The following PPP1R12B variants were observed in gnomAD, a reference collection of about 807,000 sequenced individuals.
PPP1R12B encodes the protein protein phosphatase 1 regulatory subunit 12B.
A neutral mutation model predicts 126.1 loss-of-function variants in PPP1R12B; 76 were observed. The observed-to-expected ratio is 0.60, with a 90% CI of 0.50 to 0.73. The LOEUF is 0.73. PPP1R12B is among the 30% of genes least tolerant of loss of function. PPP1R12B has a pLI of 0.00. For synonymous variants in PPP1R12B, 356 were observed against 434.7 expected, an observed-to-expected ratio of 0.82 and a Z score of 2.25; for missense variants, 1,052 against 1,205.1, an observed-to-expected ratio of 0.87 and a Z score of 1.88.
chr1:202,570,044 A>G (rs1688450023), intron 23 of PPP1R12B, among the ~76,000 whole-genome samples: 1 of 152,176 alleles, frequency 6.6e-6, no homozygotes, highest in African/African-American at 2.4e-5. Context: ...GAAACATCTG[A>G]TTCCTGCAAT....
intron 14 of PPP1R12B, among the ~76,000 whole-genome samples, chr1:202,492,340 G>A (rs1482022091): frequency 1.3e-5 from 2 of 152,154 alleles, no homozygotes; most frequent in East Asian, 1.9e-4. Flanking sequence ...TAGTAAAAAA[G>A]CTGGGGGTGG....
chr1:202,552,038 G>C (rs1001848578), intron 18 of PPP1R12B, among the ~76,000 whole-genome samples: 2 of 152,178 alleles, frequency 1.3e-5, no homozygotes, highest in Non-Finnish European at 2.9e-5. Context: ...GAACTGTGCA[G>C]ACTTCTGACC....
intron 10 of PPP1R12B, chr1:202,438,999 G>A (rs1671232620): frequency 1.8e-5 from 26 of 1,458,520 alleles, no homozygotes; most frequent in South Asian, 4.6e-5. Context: ...CTGGCCAACC[G>A]GAAGCAGGAG....
chr1:202,567,565 C>G (rs1435128151), intron 21 of PPP1R12B: 1 of 549,528 alleles, frequency 1.8e-6, no homozygotes, highest in African/African-American at 1.9e-5. Flanking sequence ...CTGCCTTCCC[C>G]TCCCCAGAGG....
At chr1:202,551,436 C>T (rs1686309615) in intron 18 of PPP1R12B, among the ~76,000 whole-genome samples, 1 of 152,080 alleles carries the variant, frequency 6.6e-6, no homozygotes, top group Non-Finnish European at 1.5e-5. Context: ...TTTGGTATTG[C>T]CCTGATTCTG....
In PPP1R12B at chr1:202,587,696, G is replaced by A. The variant is rs762668616; in HGVS notation, c.*7136G>A. ...AGAGTTGAGAGTCGGAGTGCCAGTC[G>A]TCGGGGCCCACTATTCCTGAATAAG... On this transcript the variant is annotated 3_prime_UTR_variant, in exon 24 of 24. Transcript: ENST00000608999. 5 of 152,126 alleles carry A rather than the reference G, an allele frequency of 3.3e-5. No individual in the cohort carries two copies. The highest frequency in any genetic ancestry group is 1.9e-4 in the East Asian group (1 of 5,194). The allele number at this position is 152,126 out of a possible 1,614,324, so 9.4% of individuals were successfully genotyped here. A position where few individuals can be genotyped will look rare whatever the true frequency, so the allele number is the denominator to read the frequency against.
At chr1:202,422,563 G>A in intron 2 of PPP1R12B, 57 bp from the exon 3 acceptor site, 1 of 1,542,386 alleles carries the variant, frequency 6.5e-7, no homozygotes, top group South Asian at 1.1e-5. Flanking sequence ...CCAGATGCAT[G>A]GGTAAAATTT....
intron 1 of PPP1R12B, among the ~76,000 whole-genome samples, chr1:202,394,870 C>T (rs571150393): frequency 7.9e-5 from 12 of 152,064 alleles, no homozygotes; most frequent in Admixed American, 5.9e-4. Context: ...CGCCTACAAT[C>T]CCAGCACTTT....
chr1:202,528,684 A>G (rs1162310653), intron 18 of PPP1R12B, among the ~76,000 whole-genome samples: 1 of 152,204 alleles, frequency 6.6e-6, no homozygotes, highest in Non-Finnish European at 1.5e-5. Flanking sequence ...TAGCTGGCTG[A>G]AGAAACTTTA....
At chr1:202,505,915 G>A (rs1339646166) in intron 18 of PPP1R12B, among the ~76,000 whole-genome samples, 1 of 152,020 alleles carries the variant, frequency 6.6e-6, no homozygotes, top group Non-Finnish European at 1.5e-5. Context: ...TGAAAAGTCT[G>A]AGAAATTTGA....
chr1:202,423,020 T>C (rs1669014816), intron 3 of PPP1R12B, among the ~76,000 whole-genome samples: 1 of 152,174 alleles, frequency 6.6e-6, no homozygotes, highest in African/African-American at 2.4e-5. Flanking sequence ...ACTGTGTGTA[T>C]GCACAGTACT....
chr1:202,388,706 G>T (rs1663580611), intron 1 of PPP1R12B, among the ~76,000 whole-genome samples: 1 of 152,064 alleles, frequency 6.6e-6, no homozygotes, highest in Non-Finnish European at 1.5e-5. Context: ...CTGACACTTA[G>T]TAGGCTCCAT....
rs199980440 is a variant in PPP1R12B at position 202,521,499 on chromosome 1, A to T, written c.2490+24677A>T. 1.8e-4 allele frequency among the ~76,000 whole-genome samples: 27 copies of T among 152,344 alleles called. No individual in the cohort carries two copies. In the East Asian group the frequency reaches 5.2e-3, roughly 29 times the overall value. ...TTTACAGAATGAAGAACAGATAATG[A>T]AACAAGAAGAGAAAGCTGTGAGAAA... On this transcript the variant is annotated intron_variant, in intron 18 of 23. Coordinates refer to ENST00000608999, the MANE Select transcript of PPP1R12B (RefSeq NM_002481.4).
intron 3 of PPP1R12B, among the ~76,000 whole-genome samples, chr1:202,424,274 A>G (rs187681409): frequency 6.6e-6 from 1 of 151,200 alleles, no homozygotes; most frequent in East Asian, 2.0e-4. Flanking sequence ...TCTTCACCCC[A>G]TCCATCTCCC....
intron 1 of PPP1R12B, among the ~76,000 whole-genome samples, chr1:202,375,673 C>T (rs563822719): frequency 6.6e-5 from 10 of 152,312 alleles, no homozygotes; most frequent in African/African-American, 1.9e-4. Context: ...AAGGGATCCT[C>T]CCAAGTAGAT....
intron 18 of PPP1R12B, among the ~76,000 whole-genome samples, chr1:202,522,423 A>G (rs1682872064): frequency 6.6e-6 from 1 of 152,076 alleles, no homozygotes; most frequent in Non-Finnish European, 1.5e-5. Flanking sequence ...TATGTTAAAT[A>G]TAAGGGTATC....
intron 18 of PPP1R12B, among the ~76,000 whole-genome samples, chr1:202,546,869 C>T (rs1685698645): frequency 6.6e-6 from 1 of 152,096 alleles, no homozygotes; most frequent in Non-Finnish European, 1.5e-5. Context: ...GAGTAAACCT[C>T]GAGAGGAGTA....
chr1:202,503,225 G>T (rs763727184), intron 18 of PPP1R12B, among the ~76,000 whole-genome samples: 2 of 152,144 alleles, frequency 1.3e-5, no homozygotes, highest in Non-Finnish European at 2.9e-5. Context: ...GAACCAATGA[G>T]ATTTGCTGTT....
intron 18 of PPP1R12B, among the ~76,000 whole-genome samples, chr1:202,547,748 A>G (rs950332781): frequency 6.6e-6 from 1 of 152,232 alleles, no homozygotes; most frequent in African/African-American, 2.4e-5. Context: ...ATGACCTTAA[A>G]TGTGTGTAGA....
Sources: allele counts gnomAD v4.1 joint callset (sites outside exome capture counted in the v4.1 genomes callset), GRCh38; gene constraint gnomAD v4.1.1; transcripts MANE v1.5; gene names NCBI Gene and HGNC (gene_info 2026-07-23, HGNC 2026-07-21).